The following FSTL5 variants were observed in gnomAD, a reference collection of about 807,000 sequenced individuals.
FSTL5 encodes the protein follistatin like 5, also known as follistatin-related protein 5.
Under a neutral mutation model 89.1 loss-of-function variants are expected in FSTL5, and 62 were observed. The observed-to-expected ratio is 0.70, with a 90% CI of 0.57 to 0.86. The LOEUF (loss-of-function observed/expected upper bound fraction) is 0.86, where lower values mean the gene tolerates loss of function less well. Among genes scored for constraint, FSTL5 ranks in the 40% least tolerant of loss-of-function variants. The pLI is 0.00. For synonymous variants in FSTL5, 383 were observed against 346.2 expected (o/e 1.11, Z -1.18); for missense variants, 1,057 against 1,001.6 (o/e 1.06, Z -0.75).
chr4:161,800,975 G>A (rs1035698006), intron 4 of FSTL5, among the ~76,000 whole-genome samples: 14 of 151,428 alleles, frequency 9.2e-5, no homozygotes, highest in Non-Finnish European at 1.8e-4. Flanking sequence ...TTCTTTCAAC[G>A]GGAGTTTGGA....
At chr4:161,721,752 A>T (rs535719555) in intron 6 of FSTL5, among the ~76,000 whole-genome samples, 65 of 152,356 alleles carry the variant, frequency 4.3e-4, no homozygotes, top group African/African-American at 1.4e-3. Flanking sequence ...AGAAAAAATT[A>T]AAGTCACCGT....
chr4:161,877,297 TATG>T (rs1289900347), intron 4 of FSTL5, among the ~76,000 whole-genome samples: 2 of 150,904 alleles, frequency 1.3e-5, no homozygotes, highest in African/African-American at 4.9e-5. Flanking sequence ...TTATAAATAC[TATG>T]ATAATACAAA....
intron 6 of FSTL5, among the ~76,000 whole-genome samples, chr4:161,660,853 T>A (rs1213581480): frequency 6.6e-6 from 1 of 152,162 alleles, no homozygotes; most frequent in Admixed American, 6.5e-5. Context: ...ACGTACCACA[T>A]TTTGTTTATC....
intron 4 of FSTL5, among the ~76,000 whole-genome samples, chr4:161,885,602 T>G (rs1560899326): frequency 6.6e-6 from 1 of 152,006 alleles, no homozygotes; most frequent in Non-Finnish European, 1.5e-5. Context: ...TGGGCCACCA[T>G]GCCCAGCTAA....
At chr4:161,499,588 G>C (rs980725722) in intron 12 of FSTL5, among the ~76,000 whole-genome samples, 3 of 152,114 alleles carry the variant, frequency 2.0e-5, no homozygotes, top group African/African-American at 4.8e-5. Flanking sequence ...TGAAGAATGA[G>C]ATGAAGAATA....
At chr4:161,710,003 C>G (rs913171224) in intron 6 of FSTL5, among the ~76,000 whole-genome samples, 4 of 152,228 alleles carry the variant, frequency 2.6e-5, no homozygotes, top group Non-Finnish European at 2.9e-5. Context: ...GGATCTCCCT[C>G]TGTCACCCAG....
intron 4 of FSTL5, among the ~76,000 whole-genome samples, chr4:161,825,979 A>G (rs1021552528): frequency 1.3e-5 from 2 of 151,422 alleles, no homozygotes; most frequent in African/African-American, 2.4e-5. Context: ...TAGATTGTCT[A>G]TTTGTGCTTT....
rs528907979 is a variant in FSTL5, at chr4:161,412,520, G to A, written c.1842-26071C>T. On this transcript the variant is annotated intron_variant, in intron 15 of 15. Transcript: ENST00000306100. ...TGTCGTGGGGTAGGGGGATAGGGGC[G>A]GGATAGCATTAGGAGAAATATCTAA... Among the ~76,000 whole-genome samples, 14 of 152,124 alleles carry A rather than the reference G, an allele frequency of 9.2e-5. No individual in the cohort carries two copies. The South Asian group carries it at 1.0e-3, about 11-fold the overall frequency.
At chr4:161,449,696 T>A (rs1170727641) in intron 15 of FSTL5, among the ~76,000 whole-genome samples, 2 of 152,196 alleles carry the variant, frequency 1.3e-5, no homozygotes, top group African/African-American at 4.8e-5. Flanking sequence ...AAGGAATGAT[T>A]TGCAGGTGCT....
intron 3 of FSTL5, among the ~76,000 whole-genome samples, chr4:161,946,838 CT>C (rs2110939800): frequency 6.6e-6 from 1 of 152,170 alleles, no homozygotes; most frequent in South Asian, 2.1e-4. Context: ...TTTAAAGTGG[CT>C]TATTATATTA....
chr4:161,825,326 C>T (rs575827342), intron 4 of FSTL5, among the ~76,000 whole-genome samples: 2 of 151,282 alleles, frequency 1.3e-5, no homozygotes, highest in South Asian at 4.2e-4. Flanking sequence ...CATCTATATT[C>T]ATCAGACATA....
chr4:161,418,881 A>G (rs558288443), intron 15 of FSTL5, among the ~76,000 whole-genome samples: 2 of 152,362 alleles, frequency 1.3e-5, no homozygotes, highest in Admixed American at 1.3e-4. Context: ...GCCTTGCATT[A>G]TACAAGTGAA....
intron 2 of FSTL5, among the ~76,000 whole-genome samples, chr4:162,089,632 C>CAAAAAAAAAAA (rs755573032): frequency 1.2e-4 from 5 of 42,572 alleles, no homozygotes; most frequent in Non-Finnish European, 2.6e-4. Flanking sequence ...GAATCTGTCT[C>CAAAAAAAAAAA]AAAAAAAAAA....
chr4:161,698,015 T>A (rs1212008198), intron 6 of FSTL5, among the ~76,000 whole-genome samples: 1 of 151,912 alleles, frequency 6.6e-6, no homozygotes. Context: ...TAGGTTGAAA[T>A]CCTAACCCCC....
chr4:162,099,212 T>C (rs542547677), intron 2 of FSTL5, among the ~76,000 whole-genome samples: 2 of 152,196 alleles, frequency 1.3e-5, no homozygotes, highest in African/African-American at 4.8e-5. Flanking sequence ...TTGTTAACTA[T>C]AGCACGCTAA....
At chr4:161,724,967 CGAGTG>C (rs1186001855) in intron 6 of FSTL5, among the ~76,000 whole-genome samples, 4 of 151,942 alleles carry the variant, frequency 2.6e-5, no homozygotes, top group African/African-American at 9.7e-5. Flanking sequence ...GTCCAAGGGG[CGAGTG>C]GATAACAAGG....
At chr4:162,073,939 T>C (rs964674705) in intron 2 of FSTL5, among the ~76,000 whole-genome samples, 1 of 151,792 alleles carries the variant, frequency 6.6e-6, no homozygotes, top group South Asian at 2.1e-4. Flanking sequence ...AGCTTGGCAA[T>C]AGGAAGTAAT....
intron 10 of FSTL5, among the ~76,000 whole-genome samples, chr4:161,519,634 T>A (rs1285692733): frequency 2.0e-5 from 3 of 152,182 alleles, no homozygotes; most frequent in South Asian, 2.1e-4. Context: ...AAGCTTCTAA[T>A]TATATATACA....
At chr4:161,849,516 T>C (rs141398359) in intron 4 of FSTL5, among the ~76,000 whole-genome samples, 10 of 108,790 alleles carry the variant, frequency 9.2e-5, no homozygotes, top group African/African-American at 2.8e-4. Flanking sequence ...TGTTTCATCA[T>C]TGCCCTCGAC....
Sources: allele counts gnomAD v4.1 joint callset (sites outside exome capture counted in the v4.1 genomes callset), GRCh38; gene constraint gnomAD v4.1.1; transcripts MANE v1.5; gene names NCBI Gene and HGNC (gene_info 2026-07-23, HGNC 2026-07-21).